COX10: variants seen among roughly 807,000 people sequenced by gnomAD.
The protein encoded by COX10 is cytochrome c oxidase assembly factor heme A:farnesyltransferase COX10, also known as protoheme IX farnesyltransferase, mitochondrial.
A neutral mutation model predicts 37.3 loss-of-function variants in COX10; 27 were observed. That is an observed-to-expected ratio of 0.72 (90% CI 0.53 to 1.00). The LOEUF (loss-of-function observed/expected upper bound fraction) is 1.00. Ranked by LOEUF, COX10 falls within the 50% of genes least tolerant of loss-of-function variation. The pLI is 0.00. For missense variants in COX10, 475 were observed against 563.2 expected (o/e 0.84, Z 1.59); for synonymous variants, 222 against 229.1 (o/e 0.97, Z 0.28).
At position 14,191,958 on chromosome 17, in the gene COX10, G is replaced by T. The variant is rs577762894; in HGVS notation, c.696-31G>T. 17 of 1,607,562 alleles carry T rather than the reference G, an allele frequency of 1.1e-5. No individual in the cohort carries two copies. The South Asian group carries it at 1.9e-4, about 18-fold the overall frequency. ...AGTGTGATTGAGTTGAGTTGGAGATGATCACTCCAGGTTCTCTGCTCTTTT... is the reference window on the plus strand; with the variant it reads ...AGTGTGATTGAGTTGAGTTGGAGATTATCACTCCAGGTTCTCTGCTCTTTT... On this transcript the variant is annotated intron_variant, in intron 5 of 6. Transcript: ENST00000261643.
In COX10 at chr17:14,175,089, G is replaced by T. The variant is rs1427970712; in HGVS notation, c.695+15142G>T. On this transcript the variant is annotated intron_variant, in intron 5 of 6. Transcript: ENST00000261643. ...AGTGGTTACTGGGAAATAGCGGGGGGGGGGGGGGTGGATAGGAGGGAATTG... is the reference window on the plus strand; with the variant it reads ...AGTGGTTACTGGGAAATAGCGGGGGTGGGGGGGGTGGATAGGAGGGAATTG... Among the ~76,000 whole-genome samples the T allele has an allele frequency of 4.9e-5, 4 of 80,816 alleles. 1 individual carries two copies. Among genetic ancestry groups the T allele is most frequent in the African/African-American group, 6.9e-5 (2 of 28,874 alleles). 53.0% of individuals were successfully genotyped at this position (80,816 alleles called of 152,430 possible).
chr17:14,086,299 G>A (rs1364105878), intron 3 of COX10, among the ~76,000 whole-genome samples: 2 of 151,764 alleles, frequency 1.3e-5, no homozygotes, highest in Admixed American at 6.6e-5. Context: ...ATTTTATATT[G>A]TATAATAAAA....
At chr17:14,196,826 G>A (rs908058768) in intron 6 of COX10, among the ~76,000 whole-genome samples, 12 of 152,128 alleles carry the variant, frequency 7.9e-5, no homozygotes, top group African/African-American at 2.9e-4. Context: ...TAATTTAACA[G>A]TTTGCCTTTT....
intron 5 of COX10, among the ~76,000 whole-genome samples, chr17:14,188,982 A>C: frequency 7.1e-6 from 1 of 140,080 alleles, no homozygotes; most frequent in Non-Finnish European, 1.5e-5. Context: ...TGACTGGACC[A>C]CTCCCACCTC....
intron 3 of COX10, among the ~76,000 whole-genome samples, chr17:14,081,014 T>C (rs990153723): frequency 9.2e-5 from 14 of 152,218 alleles, no homozygotes; most frequent in Admixed American, 7.9e-4. Flanking sequence ...AGGAATAGGC[T>C]TGATTAAGAA....
chr17:14,169,031 C>T (rs1200080589), intron 5 of COX10, among the ~76,000 whole-genome samples: 1 of 152,212 alleles, frequency 6.6e-6, no homozygotes, highest in Non-Finnish European at 1.5e-5. Context: ...TTCTGCCTCC[C>T]TTTTAAACGT....
At chr17:14,199,304 C>T (rs904058537) in intron 6 of COX10, among the ~76,000 whole-genome samples, 3 of 152,068 alleles carry the variant, frequency 2.0e-5, no homozygotes, top group Admixed American at 6.6e-5. Context: ...GCAGAGTGCA[C>T]GTGTAACTAG....
chr17:14,117,226 T>C (rs889480404), intron 4 of COX10, among the ~76,000 whole-genome samples: 1 of 152,204 alleles, frequency 6.6e-6, no homozygotes, highest in African/African-American at 2.4e-5. Context: ...TCCTGTCCCT[T>C]ACTTTGCTCT....
chr17:14,111,310 C>T (rs903882272), intron 4 of COX10, among the ~76,000 whole-genome samples: 4 of 152,136 alleles, frequency 2.6e-5, no homozygotes, highest in African/African-American at 9.7e-5. Flanking sequence ...CTGGCATTTC[C>T]TTCAGATCCT....
At chr17:14,187,526 A>G (rs1906070002) in intron 5 of COX10, among the ~76,000 whole-genome samples, 1 of 152,218 alleles carries the variant, frequency 6.6e-6, no homozygotes, top group African/African-American at 2.4e-5. Flanking sequence ...TTAAGTAGTT[A>G]TATCATTGGA....
intron 4 of COX10, among the ~76,000 whole-genome samples, chr17:14,126,941 G>T (rs1916354251): frequency 8.0e-6 from 1 of 125,282 alleles, no homozygotes; most frequent in Non-Finnish European, 1.7e-5. Flanking sequence ...TCTCTGATTT[G>T]TTTTTAACTT....
chr17:14,157,005 C>T (rs1392740266), intron 4 of COX10, among the ~76,000 whole-genome samples: 6 of 152,138 alleles, frequency 3.9e-5, no homozygotes, highest in Non-Finnish European at 7.3e-5. Context: ...GTAAAAGCAG[C>T]CATAGCAATA....
In COX10 at chr17:14,198,639, CAA is replaced by C. The variant is rs1356741596; in HGVS notation, c.928+6422_928+6423del. On this transcript the variant is annotated intron_variant, in intron 6 of 6. Coordinates refer to ENST00000261643, the MANE Select transcript of COX10 (RefSeq NM_001303.4). ...TTTGGCAGATGGATGGTTTTAGTAA[CAA>C]AAAGAGAATGAGATTTTTTTACCCT... Among the ~76,000 whole-genome samples the C allele has an allele frequency of 9.9e-5, 15 of 152,230 alleles. No homozygotes were observed. The South Asian group carries it at 3.1e-3, about 32-fold the overall frequency.
At chr17:14,120,396 T>C (rs1484450443) in intron 4 of COX10, among the ~76,000 whole-genome samples, 1 of 152,164 alleles carries the variant, frequency 6.6e-6, no homozygotes, top group African/African-American at 2.4e-5. Context: ...AGCTACATAA[T>C]TGAACAGCAT....
At chr17:14,087,570 C>T (rs975297383) in intron 3 of COX10, among the ~76,000 whole-genome samples, 7 of 151,960 alleles carry the variant, frequency 4.6e-5, no homozygotes, top group African/African-American at 9.7e-5. Flanking sequence ...GGAGTTCGCT[C>T]GCATTTTAAG....
intron 4 of COX10, among the ~76,000 whole-genome samples, chr17:14,128,431 CTTAA>C (rs1916391969): frequency 6.6e-6 from 1 of 152,110 alleles, no homozygotes; most frequent in Admixed American, 6.5e-5. Context: ...TCAGTTATGA[CTTAA>C]TTATATTACC....
At chr17:14,093,649 G>T (rs1160254786) in intron 3 of COX10, among the ~76,000 whole-genome samples, 1 of 152,156 alleles carries the variant, frequency 6.6e-6, no homozygotes, top group African/African-American at 2.4e-5. Flanking sequence ...GTAACAGCAT[G>T]CATGGCAGGG....
chr17:14,207,084 G>C lies in COX10; in HGVS notation c.1203G>C (p.Val401=), dbSNP rs762737185. 5.0e-6 allele frequency: 8 copies of C among 1,614,056 alleles called. No individual in the cohort carries two copies. The East Asian group carries it at 8.9e-5, about 18-fold the overall frequency. Residue 401 remains valine (V), a synonymous_variant, in exon 7 of 7, where the codon GTG becomes GTC. Coordinates refer to ENST00000261643, the MANE Select transcript of COX10 (RefSeq NM_001303.4). ...YISYLGFRFY[V]DADRRSSRRL... is the part of the protein sequence containing the mutation. Reference sequence around the variant, plus strand: ...CCTACCTCGGCTTCCGCTTCTACGTGGACGCAGACCGCAGGAGCTCGCGGA... The same window carrying C: ...CCTACCTCGGCTTCCGCTTCTACGTCGACGCAGACCGCAGGAGCTCGCGGA...
At chr17:14,141,529 CAAAAA>C (rs71147842) in intron 4 of COX10, among the ~76,000 whole-genome samples, 3 of 67,504 alleles carry the variant, frequency 4.4e-5, no homozygotes, top group South Asian at 7.0e-4. Flanking sequence ...GTCCCTGTCT[CAAAAA>C]AAAAAAAAAA....
Sources: allele counts gnomAD v4.1 joint callset (sites outside exome capture counted in the v4.1 genomes callset), GRCh38; gene constraint gnomAD v4.1.1; transcripts MANE v1.5; gene names NCBI Gene and HGNC (gene_info 2026-07-23, HGNC 2026-07-21).